The following TESMIN variants were observed in gnomAD, a reference collection of about 807,000 sequenced individuals.
The protein encoded by TESMIN is CXC domain containing 2.
Under a neutral mutation model 47.4 loss-of-function variants are expected in TESMIN, and 34 were observed. The observed-to-expected ratio is 0.72, with a 90% CI of 0.55 to 0.96. The LOEUF is 0.96. Among genes scored for constraint, TESMIN ranks in the 40% least tolerant of loss-of-function variants. The pLI is 0.00. For synonymous variants in TESMIN, 278 were observed against 258.9 expected (o/e 1.07, Z -0.71); for missense variants, 610 against 637.2 (o/e 0.96, Z 0.46).
At position 68,715,845 on chromosome 11, in the gene TESMIN, C is replaced by T. The variant is rs769097409; in HGVS notation, c.1012G>A (p.Ala338Thr). ...TAATGGACATTTATTACCTTAATGG[C>T]TTTAAACCGTTCAATATCATGATGC... is the stretch of plus-strand genomic sequence containing the variant. ...NLHHDIERFKAIKACLGRNPE... is the reference protein window; with the variant it reads ...NLHHDIERFKTIKACLGRNPE... Residue 338 changes from alanine to threonine, a missense_variant, in exon 7 of 10, where the codon GCC becomes ACC. Physicochemically the swap from Ala to Thr is moderately conservative, Grantham distance 58. Transcript: ENST00000255087. 1 of 1,598,886 alleles carries T rather than the reference C, an allele frequency of 6.3e-7. No homozygotes were observed. The highest frequency in any genetic ancestry group is 8.6e-7 in the Non-Finnish European group (1 of 1,166,344).
chr11:68,721,293 G>T (rs1419272804), intron 6 of TESMIN, among the ~76,000 whole-genome samples: 1 of 152,042 alleles, frequency 6.6e-6, no homozygotes, highest in East Asian at 1.9e-4. Context: ...TTGCCACAGG[G>T]CCTTTGCACC....
intron 6 of TESMIN, among the ~76,000 whole-genome samples, chr11:68,728,463 C>T (rs898323912): frequency 1.3e-5 from 2 of 152,140 alleles, no homozygotes; most frequent in Admixed American, 6.5e-5. Flanking sequence ...ATCTCCATAA[C>T]GGAAAAGTAC....
At chr11:68,710,666 A>T in intron 9 of TESMIN, 1 of 533,152 alleles carries the variant, frequency 1.9e-6, no homozygotes, top group Non-Finnish European at 3.3e-6. Flanking sequence ...AAAGAGGACA[A>T]AACAGGTTTC....
intron 6 of TESMIN, among the ~76,000 whole-genome samples, chr11:68,717,527 G>A (rs1428533758): frequency 1.3e-5 from 2 of 152,200 alleles, no homozygotes; most frequent in African/African-American, 2.4e-5. Flanking sequence ...TGCAAGCCAC[G>A]CAGATGGAAA....
chr11:68,708,272 C>G lies in TESMIN; in HGVS notation c.*36G>C, dbSNP rs942039753. 6.5e-6 allele frequency: 10 copies of G among 1,528,468 alleles called. No individual in the cohort carries two copies. The highest frequency in any genetic ancestry group is 8.8e-6 in the Non-Finnish European group (10 of 1,132,796). The allele number at this position is 1,528,468 out of a possible 1,614,324, so 94.7% of individuals were successfully genotyped here. A position where few individuals can be genotyped will look rare whatever the true frequency, so the allele number is the denominator to read the frequency against. ...CCTTTCTAAACTAGAGATTTCTAGA[C>G]TAAGACAAAATCAACATGCATTCAC... is the stretch of plus-strand genomic sequence containing the variant. On this transcript the variant is annotated 3_prime_UTR_variant, in exon 10 of 10. Transcript: ENST00000255087.
chr11:68,734,381 A>G (rs1169448025), intron 6 of TESMIN, among the ~76,000 whole-genome samples: 1 of 152,200 alleles, frequency 6.6e-6, no homozygotes, highest in Non-Finnish European at 1.5e-5. Flanking sequence ...ACATTAAACC[A>G]TCGGGAGAAG....
At chr11:68,711,071 AT>A in intron 8 of TESMIN, 22 bp from the exon 9 acceptor site, 1 of 1,569,670 alleles carries the variant, frequency 6.4e-7, no homozygotes, top group Non-Finnish European at 8.7e-7. Context: ...AAATGCTTCA[AT>A]AAAATTAGGT....
At chr11:68,705,477 C>T (rs550913657), downstream of TESMIN, among the ~76,000 whole-genome samples, 311 of 152,274 alleles carry the variant, frequency 2.0e-3, 5 homozygotes, top group African/African-American at 7.1e-3. Context: ...GACCTTCCGC[C>T]GCCAACAGCA....
Position 68,707,891 on chromosome 11 carries a change from G to A in TESMIN, c.*417C>T, listed in dbSNP as rs1194967947. The A allele has an allele frequency of 2.2e-6, 1 of 461,478 alleles. No individual in the cohort carries two copies. Among genetic ancestry groups the A allele is most frequent in the African/African-American group, 2.0e-5 (1 of 50,308 alleles). The allele number at this position is 461,478 out of a possible 1,614,324, so 28.6% of individuals were successfully genotyped here. A position where few individuals can be genotyped will look rare whatever the true frequency, so the allele number is the denominator to read the frequency against. On this transcript the variant is annotated 3_prime_UTR_variant, in exon 10 of 10. Coordinates refer to ENST00000255087, the MANE Select transcript of TESMIN (RefSeq NM_004923.3). ...GAAAAACAAACAAGAAACCATTAGG[G>A]TTTTCATGCAGAGCAGCCTCCAGAG...
chr11:68,735,435 G>GT (rs965410343), intron 6 of TESMIN, among the ~76,000 whole-genome samples: 1 of 152,218 alleles, frequency 6.6e-6, no homozygotes, highest in African/African-American at 2.4e-5. Flanking sequence ...AGGCCCACGA[G>GT]TATCTACAGA....
At chr11:68,709,165 C>T (rs1404416988) in intron 9 of TESMIN, among the ~76,000 whole-genome samples, 7 of 152,160 alleles carry the variant, frequency 4.6e-5, no homozygotes, top group African/African-American at 1.7e-4. Flanking sequence ...TGACATGCCT[C>T]TCATGGCGGG....
At chr11:68,711,623 A>G (rs553257762) in intron 8 of TESMIN, among the ~76,000 whole-genome samples, 32 of 152,276 alleles carry the variant, frequency 2.1e-4, no homozygotes, top group African/African-American at 7.7e-4. Context: ...TGTTTTGAAG[A>G]AAGCCTGCCT....
intron 6 of TESMIN, among the ~76,000 whole-genome samples, chr11:68,731,447 A>AT (rs1321717387): frequency 6.6e-6 from 1 of 150,956 alleles, no homozygotes; most frequent in East Asian, 1.9e-4. Context: ...TTATAAAATA[A>AT]AAAAAAAAAT....
At chr11:68,721,501 T>C (rs1311070068) in intron 6 of TESMIN, among the ~76,000 whole-genome samples, 1 of 152,160 alleles carries the variant, frequency 6.6e-6, no homozygotes, top group Non-Finnish European at 1.5e-5. Context: ...TTTAATTACA[T>C]GATGATTCAT....
rs1473852752 is a variant in TESMIN at position 68,707,789 on chromosome 11, T to C, written c.*519A>G. 2.2e-6 allele frequency: 1 copy of C among 455,396 alleles called. No homozygotes were observed. The highest frequency in any genetic ancestry group is 2.3e-5 in the Admixed American group (1 of 42,572). 28.2% of individuals were successfully genotyped at this position (455,396 alleles called of 1,614,324 possible). On this transcript the variant is annotated 3_prime_UTR_variant, in exon 10 of 10. Transcript: ENST00000255087. ...AAATATCTACGCTACAGAAAATCTT[T>C]AGGTGTTCAGTAGTTCTCTAGAGAT...
chr11:68,735,360 A>G (rs116492421), intron 6 of TESMIN, among the ~76,000 whole-genome samples: 68 of 152,166 alleles, frequency 4.5e-4, no homozygotes, highest in African/African-American at 1.6e-3. Context: ...CTGTTGAGGA[A>G]GTGGTGTGGG....
At chr11:68,744,961 C>T (rs1260152888) in intron 4 of TESMIN, 30 bp downstream of exon 4, 2 of 1,489,826 alleles carry the variant, frequency 1.3e-6, no homozygotes, top group Non-Finnish European at 1.8e-6. Context: ...ACATATATGA[C>T]ATAGTTTTTT....
intron 6 of TESMIN, among the ~76,000 whole-genome samples, chr11:68,731,815 C>T (rs997606018): frequency 6.5e-4 from 99 of 152,300 alleles, no homozygotes; most frequent in African/African-American, 2.0e-3. Context: ...TTACCTATTC[C>T]TTAGCTTTTC....
At chr11:68,719,462 T>C (rs1356031138) in intron 6 of TESMIN, among the ~76,000 whole-genome samples, 1 of 151,828 alleles carries the variant, frequency 6.6e-6, no homozygotes, top group Non-Finnish European at 1.5e-5. Context: ...GGTGTGTGAG[T>C]GGGAGAGGAA....
Sources: gnomAD v4.1 joint callset for allele counts (sites outside exome capture counted in the v4.1 genomes callset) on GRCh38, gnomAD v4.1.1 for gene constraint, MANE v1.5 for transcripts, NCBI Gene and HGNC (gene_info 2026-07-23, HGNC 2026-07-21) for gene names.